CAMSAP2: variants seen among roughly 807,000 people sequenced by gnomAD.
CAMSAP2 encodes calmodulin-regulated spectrin-associated protein 2.
A neutral mutation model predicts 146.1 loss-of-function variants in CAMSAP2; 26 were observed. That is an observed-to-expected ratio of 0.18 (90% CI 0.13 to 0.25). The LOEUF is 0.25. Ranked by LOEUF, CAMSAP2 falls within the 10% of genes least tolerant of loss-of-function variation. CAMSAP2 has a pLI of 1.00. For synonymous variants in CAMSAP2, 499 were observed against 596.6 expected (o/e 0.84, Z 2.38); for missense variants, 1,381 against 1,759.3 (o/e 0.78, Z 3.85).
At chr1:200,741,247 T>C (rs1664166738) in intron 1 of CAMSAP2, among the ~76,000 whole-genome samples, 1 of 152,240 alleles carries the variant, frequency 6.6e-6, no homozygotes, top group Admixed American at 6.5e-5. Flanking sequence ...TTTTTATGCT[T>C]TGATATTAAG....
intron 4 of CAMSAP2, among the ~76,000 whole-genome samples, chr1:200,821,492 A>G (rs10753882): frequency 0.72 from 109,907 of 151,602 alleles, 39,867 homozygotes; most frequent in Middle Eastern, 0.78. Context: ...TCTGTGGTCA[A>G]TGCTAATTCA....
chr1:200,838,046 G>T (rs925145285), intron 6 of CAMSAP2, among the ~76,000 whole-genome samples: 5 of 152,074 alleles, frequency 3.3e-5, no homozygotes, highest in Admixed American at 2.0e-4. Context: ...AATTAATCTG[G>T]CATCATTCCT....
intron 2 of CAMSAP2, among the ~76,000 whole-genome samples, chr1:200,771,562 A>G (rs1665118407): frequency 6.6e-6 from 1 of 152,176 alleles, no homozygotes; most frequent in Admixed American, 6.5e-5. Flanking sequence ...TTCTGGTCAT[A>G]AAGAGATATT....
At chr1:200,791,985 C>G (rs753291855) in intron 2 of CAMSAP2, among the ~76,000 whole-genome samples, 2 of 151,948 alleles carry the variant, frequency 1.3e-5, no homozygotes, top group Non-Finnish European at 2.9e-5. Context: ...AAATACTTAC[C>G]CAAAATAATT....
chr1:200,772,557 C>G (rs1021061290), intron 2 of CAMSAP2, among the ~76,000 whole-genome samples: 1 of 152,042 alleles, frequency 6.6e-6, no homozygotes, highest in African/African-American at 2.4e-5. Context: ...TGCAGTGAGC[C>G]AAGGTCATGC....
chr1:200,801,147 C>G (rs1430162075), intron 2 of CAMSAP2, among the ~76,000 whole-genome samples: 1 of 151,890 alleles, frequency 6.6e-6, no homozygotes, highest in Admixed American at 6.6e-5. Flanking sequence ...GCCTATAGTC[C>G]CAGCTACTTG....
chr1:200,824,528 A>G (rs1261741712), intron 4 of CAMSAP2, among the ~76,000 whole-genome samples: 2 of 152,298 alleles, frequency 1.3e-5, no homozygotes, highest in Admixed American at 6.5e-5. Flanking sequence ...ATCAAACTCC[A>G]CAGAGTTCTT....
rs142053915 is a variant in CAMSAP2 at position 200,760,937 on chromosome 1, C to T, written c.238C>T (p.Leu80=). The T allele has an allele frequency of 1.5e-5, 25 of 1,614,038 alleles. No homozygotes were observed. The Admixed American group carries it at 1.7e-4, about 11-fold the overall frequency. Reference sequence around the variant, plus strand: ...TGTTAATTTGCTTCTATCGGCTGAACTATACTGTCGTGCTGGGAGTCTCAT... The same window carrying T: ...TGTTAATTTGCTTCTATCGGCTGAATTATACTGTCGTGCTGGGAGTCTCAT... The part of the protein sequence containing the change: ...PVVNLLLSAE[L]YCRAGSLILK... The change falls in exon 2 of 17, where the codon CTA becomes TTA. Residue 80 remains leucine, a synonymous_variant. Coordinates refer to ENST00000358823, the MANE Select transcript of CAMSAP2 (RefSeq NM_203459.4).
rs1377559118 is a variant in CAMSAP2, at chr1:200,787,861, C to T, written c.400-19515C>T. On this transcript the variant is annotated intron_variant, in intron 2 of 16. Transcript: ENST00000358823. ...TCGAACAACATGGAACCAAGACCCT[C>T]CACCATCAAAAATACTGTGTTTCAT... is the stretch of plus-strand genomic sequence containing the variant. 2.6e-5 allele frequency among the ~76,000 whole-genome samples: 4 copies of T among 152,182 alleles called. No individual in the cohort carries two copies. In the East Asian group the frequency reaches 7.7e-4, roughly 29 times the overall value.
chr1:200,757,500 TATTA>T (rs543243799), intron 1 of CAMSAP2, among the ~76,000 whole-genome samples: 173 of 152,354 alleles, frequency 1.1e-3, no homozygotes, highest in African/African-American at 4.0e-3. Flanking sequence ...GTTCTGTCTG[TATTA>T]ATTTCTTACT....
At chr1:200,828,597 C>T (rs1666963446) in intron 4 of CAMSAP2, 1 of 1,549,944 alleles carries the variant, frequency 6.5e-7, no homozygotes, top group African/African-American at 1.4e-5. Context: ...GTTTTGGAAA[C>T]TGGTTCCAGT....
At chr1:200,764,607 C>A (rs1664888858) in intron 2 of CAMSAP2, among the ~76,000 whole-genome samples, 1 of 151,880 alleles carries the variant, frequency 6.6e-6, no homozygotes, top group African/African-American at 2.4e-5. Context: ...AAATAACATG[C>A]CTTGTATGCA....
chr1:200,799,510 T>G (rs1170751683), intron 2 of CAMSAP2, among the ~76,000 whole-genome samples: 7 of 152,204 alleles, frequency 4.6e-5, no homozygotes, highest in Non-Finnish European at 1.0e-4. Flanking sequence ...GTGGTATCAG[T>G]GGTGATATCC....
intron 1 of CAMSAP2, among the ~76,000 whole-genome samples, chr1:200,756,463 AG>A (rs1444024591): frequency 6.6e-6 from 1 of 152,050 alleles, no homozygotes; most frequent in African/African-American, 2.4e-5. Flanking sequence ...AAAGAAAAAA[AG>A]AAAAAAAAAA....
chr1:200,809,664 G>T (rs982742525), intron 3 of CAMSAP2, among the ~76,000 whole-genome samples: 2 of 152,240 alleles, frequency 1.3e-5, no homozygotes, highest in Admixed American at 1.3e-4. Context: ...CTGGGAGGCG[G>T]AGGTTGCAGT....
chr1:200,796,862 C>T (rs1665898487), intron 2 of CAMSAP2, among the ~76,000 whole-genome samples: 1 of 151,774 alleles, frequency 6.6e-6, no homozygotes, highest in South Asian at 2.1e-4. Flanking sequence ...TGATATTCCC[C>T]TTCCTGTGTC....
chr1:200,832,478 C>A lies in CAMSAP2; in HGVS notation c.787+137C>A. 1.1e-6 allele frequency: 1 copy of A among 893,098 alleles called. No homozygotes were observed. The highest frequency in any genetic ancestry group is 2.7e-5 in the South Asian group (1 of 37,498). 55.3% of individuals were successfully genotyped at this position (893,098 alleles called of 1,614,324 possible). A position where few individuals can be genotyped will look rare whatever the true frequency, so the allele number is the denominator to read the frequency against. On this transcript the variant is annotated intron_variant, in intron 5 of 16. Transcript: ENST00000358823. This position sits in a 1 kb window ranked among gnomAD's most constrained non-coding sequence, Gnocchi z 4.2. ...AAAAGACAATATTATTTAATAAGTA[C>A]TGAAGACTTTTTTTTAAAAATAAAG...
At chr1:200,822,621 A>C (rs1440440597) in intron 4 of CAMSAP2, among the ~76,000 whole-genome samples, 1 of 152,236 alleles carries the variant, frequency 6.6e-6, no homozygotes, top group Non-Finnish European at 1.5e-5. Flanking sequence ...CAGTTGGTTA[A>C]GATATTCTCT....
At chr1:200,846,965 A>G (rs953106319) in intron 8 of CAMSAP2, among the ~76,000 whole-genome samples, 1 of 152,210 alleles carries the variant, frequency 6.6e-6, no homozygotes, top group African/African-American at 2.4e-5. Context: ...AAAATAATTC[A>G]TATCTCACAA....
Sources: gnomAD v4.1 joint callset for allele counts (sites outside exome capture counted in the v4.1 genomes callset) on GRCh38, gnomAD v4.1.1 for gene constraint, Gnocchi (gnomAD v3.1) non-coding constraint, MANE v1.5 for transcripts, NCBI Gene and HGNC (gene_info 2026-07-23, HGNC 2026-07-21) for gene names.